Variants in FAF1 observed in about 807,000 individuals in gnomAD.
The protein encoded by FAF1 is FAS-associated factor 1.
In FAF1, 25 loss-of-function variants were observed where a neutral mutation model predicts 92.5. That is an observed-to-expected ratio of 0.27 (90% CI 0.20 to 0.38). FAF1 has a LOEUF of 0.38. Among genes scored for constraint, FAF1 ranks in the 10% least tolerant of loss-of-function variants. FAF1 has a pLI of 1.00. For missense variants in FAF1, 636 were observed against 793.3 expected, an observed-to-expected ratio of 0.80 and a Z score of 2.38; for synonymous variants, 234 against 273.2, an observed-to-expected ratio of 0.86 and a Z score of 1.42.
At chr1:50,671,992 C>G (rs911861047) in intron 7 of FAF1, among the ~76,000 whole-genome samples, 1 of 148,082 alleles carries the variant, frequency 6.8e-6, no homozygotes, top group Non-Finnish European at 1.5e-5. Context: ...GAGAAAAGGT[C>G]TCACTATGTT....
intron 7 of FAF1, among the ~76,000 whole-genome samples, chr1:50,656,898 A>C (rs761044016): frequency 6.6e-6 from 1 of 152,076 alleles, no homozygotes; most frequent in Non-Finnish European, 1.5e-5. Flanking sequence ...AAAATAATAA[A>C]AATAAAAATA....
At chr1:50,453,485 G>A (rs1448875831) in intron 18 of FAF1, among the ~76,000 whole-genome samples, 1 of 152,192 alleles carries the variant, frequency 6.6e-6, no homozygotes, top group Non-Finnish European at 1.5e-5. Flanking sequence ...AACAGCAGGA[G>A]ATCATTAAAT....
chr1:50,857,498 T>C (rs548318791), intron 2 of FAF1, among the ~76,000 whole-genome samples: 16 of 151,922 alleles, frequency 1.1e-4, no homozygotes, highest in Admixed American at 2.0e-4. Context: ...CTCTATAATA[T>C]ACTGCCTGAA....
intron 1 of FAF1, among the ~76,000 whole-genome samples, chr1:50,913,698 GAAGGA>G (rs1644901871): frequency 6.6e-6 from 1 of 152,134 alleles, no homozygotes; most frequent in African/African-American, 2.4e-5. Context: ...GAAAAAATGA[GAAGGA>G]AAGAATTTGT....
chr1:50,728,938 A>G (rs923656808), intron 6 of FAF1, among the ~76,000 whole-genome samples: 13 of 150,342 alleles, frequency 8.6e-5, no homozygotes, highest in African/African-American at 3.1e-4. Flanking sequence ...GTTTGAAGAT[A>G]GTAGAATAGA....
chr1:50,959,900 C>CG lies in FAF1; in HGVS notation c.-90dup. ...CTGCGACCGTCGCCGCCACCGCCGC[C>CG]GCCGCCGCCGGGCGCCGAGGGGCTG... On this transcript the variant is annotated 5_prime_UTR_variant, in exon 1 of 19. Transcript: ENST00000396153. 1 of 842,536 alleles carries CG rather than the reference C, an allele frequency of 1.2e-6. No homozygotes were observed. The highest frequency in any genetic ancestry group is 1.5e-6 in the Non-Finnish European group (1 of 660,222). 52.2% of individuals were successfully genotyped at this position (842,536 alleles called of 1,614,324 possible).
chr1:50,575,199 C>A lies in FAF1; in HGVS notation c.1113+7419G>T, dbSNP rs570074012. Reference sequence around the variant, plus strand: ...CTGGGATTACAGGCGTGAGCCACTGCGCCCAGCCAAATGGCAGTGTATGTC... The same window carrying A: ...CTGGGATTACAGGCGTGAGCCACTGAGCCCAGCCAAATGGCAGTGTATGTC... On this transcript the variant is annotated intron_variant, in intron 12 of 18. Coordinates refer to ENST00000396153, the MANE Select transcript of FAF1 (RefSeq NM_007051.3). 9.9e-5 allele frequency among the ~76,000 whole-genome samples: 15 copies of A among 152,244 alleles called. No individual in the cohort carries two copies. In the East Asian group the frequency reaches 1.2e-3, roughly 12 times the overall value.
chr1:50,795,334 C>A (rs978230815), intron 3 of FAF1, among the ~76,000 whole-genome samples: 1 of 152,226 alleles, frequency 6.6e-6, no homozygotes, highest in African/African-American at 2.4e-5. Flanking sequence ...GACAGCAATG[C>A]ATCTGTCAGG....
intron 7 of FAF1, among the ~76,000 whole-genome samples, chr1:50,666,202 C>A (rs115691951): frequency 0.013 from 1,960 of 151,942 alleles, 42 homozygotes; most frequent in African/African-American, 0.043. Context: ...GCATAAGCAA[C>A]CGCGCCCGGC....
chr1:50,613,023 A>C (rs1281070465), intron 8 of FAF1, among the ~76,000 whole-genome samples: 2 of 152,210 alleles, frequency 1.3e-5, no homozygotes, highest in Admixed American at 1.3e-4. Flanking sequence ...GGCTCTTAGT[A>C]GGTTGCTTTG....
intron 7 of FAF1, among the ~76,000 whole-genome samples, chr1:50,692,627 A>G (rs1363692880): frequency 6.6e-5 from 10 of 152,176 alleles, no homozygotes; most frequent in Non-Finnish European, 1.2e-4. Flanking sequence ...TTAAAGGCTG[A>G]ATAGTATTCT....
chr1:50,497,855 T>G (rs1295172492), intron 15 of FAF1, among the ~76,000 whole-genome samples: 2 of 152,102 alleles, frequency 1.3e-5, no homozygotes, highest in African/African-American at 4.8e-5. Context: ...GGCTCAAAAC[T>G]CTTTAAGAAA....
At chr1:50,752,374 T>C (rs1659902944) in intron 4 of FAF1, among the ~76,000 whole-genome samples, 1 of 152,202 alleles carries the variant, frequency 6.6e-6, no homozygotes, top group African/African-American at 2.4e-5. Flanking sequence ...ACCTTTAAAA[T>C]AATTTTTCTA....
intron 1 of FAF1, among the ~76,000 whole-genome samples, chr1:50,941,255 G>A (rs572438944): frequency 6.6e-5 from 10 of 152,118 alleles, no homozygotes; most frequent in Non-Finnish European, 1.3e-4. Flanking sequence ...TGTTGCCCAG[G>A]CTGGAGTGCA....
At chr1:50,497,463 G>GTGTCTAGAC (rs1332668653) in intron 15 of FAF1, among the ~76,000 whole-genome samples, 2 of 150,524 alleles carry the variant, frequency 1.3e-5, no homozygotes, top group East Asian at 3.9e-4. Flanking sequence ...GAATGGCTTT[G>GTGTCTAGAC]TGTCTAGACA....
intron 2 of FAF1, among the ~76,000 whole-genome samples, chr1:50,827,039 G>A (rs1337071966): frequency 6.6e-6 from 1 of 151,550 alleles, no homozygotes; most frequent in Non-Finnish European, 1.5e-5. Context: ...TCTGGGAGGT[G>A]AGGAGCGCCT....
chr1:50,752,445 T>C (rs1659905492), intron 4 of FAF1, among the ~76,000 whole-genome samples: 1 of 152,236 alleles, frequency 6.6e-6, no homozygotes, highest in Non-Finnish European at 1.5e-5. Context: ...CACCTTATAG[T>C]CCATGTAATG....
At position 50,724,296 on chromosome 1, in the gene FAF1, T is replaced by TACACATACAC. The variant is rs1553132402; in HGVS notation, c.551+14566_551+14567insGTGTATGTGT. ...ACATATACACACACACACACACACA[T>TACACATACAC]ACACACACACACACACACACACACA... On this transcript the variant is annotated intron_variant, in intron 6 of 18. Coordinates refer to ENST00000396153, the MANE Select transcript of FAF1 (RefSeq NM_007051.3). Among the ~76,000 whole-genome samples, 305 of 117,202 alleles carry TACACATACAC rather than the reference T, an allele frequency of 2.6e-3. 1 individual carries two copies. The highest frequency in any genetic ancestry group is 3.8e-3 in the Non-Finnish European group (203 of 53,898). The allele number at this position is 117,202 out of a possible 152,430, so 76.9% of individuals were successfully genotyped here. A position where few individuals can be genotyped will look rare whatever the true frequency, so the allele number is the denominator to read the frequency against.
intron 12 of FAF1, among the ~76,000 whole-genome samples, chr1:50,581,290 A>C (rs2124003465): frequency 6.6e-6 from 1 of 152,284 alleles, no homozygotes; most frequent in African/African-American, 2.4e-5. Flanking sequence ...TTGATTAATC[A>C]TCTTGGAATT....
Sources: allele counts gnomAD v4.1 joint callset (sites outside exome capture counted in the v4.1 genomes callset), GRCh38; gene constraint gnomAD v4.1.1; transcripts MANE v1.5; gene names NCBI Gene and HGNC (gene_info 2026-07-23, HGNC 2026-07-21).